Variants in SGCD observed in about 807,000 individuals in gnomAD.
SGCD encodes the protein sarcoglycan delta.
A neutral mutation model predicts 36.6 loss-of-function variants in SGCD; 18 were observed. The observed-to-expected ratio is 0.49, with a 90% CI of 0.34 to 0.73. SGCD has a LOEUF of 0.73. Ranked by LOEUF, SGCD falls within the 30% of genes least tolerant of loss-of-function variation. The pLI, the probability that SGCD is intolerant of heterozygous loss-of-function variation, is 0.01. For synonymous variants in SGCD, 133 were observed against 130.6 expected, an observed-to-expected ratio of 1.02 and a Z score of -0.12; for missense variants, 387 against 346.7, an observed-to-expected ratio of 1.12 and a Z score of -0.92.
chr5:156,335,560 C>T (rs1018163249), intron 2 of SGCD, among the ~76,000 whole-genome samples: 2 of 152,126 alleles, frequency 1.3e-5, no homozygotes, highest in Admixed American at 1.3e-4. Context: ...TATCTGTCTC[C>T]TTATCTCACT....
chr5:156,156,022 G>A (rs1227406190), intron 3 of SGCD, among the ~76,000 whole-genome samples: 8 of 151,638 alleles, frequency 5.3e-5, no homozygotes, highest in African/African-American at 7.3e-5. Flanking sequence ...CTTATGGGCC[G>A]AATGTGCATT....
chr5:155,960,511 G>A (rs1757771464), intron 1 of SGCD, among the ~76,000 whole-genome samples: 1 of 152,048 alleles, frequency 6.6e-6, no homozygotes, highest in African/African-American at 2.4e-5. Context: ...GACAAAAACA[G>A]TAGAAGCCTA....
intron 1 of SGCD, among the ~76,000 whole-genome samples, chr5:156,005,493 C>G (rs1758741543): frequency 6.6e-6 from 1 of 152,066 alleles, no homozygotes; most frequent in Non-Finnish European, 1.5e-5. Context: ...CTCAGTCGCC[C>G]AGGCTGGAGT....
chr5:155,993,210 C>T (rs985488475), intron 1 of SGCD, among the ~76,000 whole-genome samples: 2 of 152,154 alleles, frequency 1.3e-5, no homozygotes, highest in Non-Finnish European at 2.9e-5. Context: ...TGCATGGCCC[C>T]CGTCCCCCTG....
At position 156,133,651 on chromosome 5, in the gene SGCD, G is replaced by A. The variant is rs139444951; in HGVS notation, c.-44+9632G>A. 2.0e-3 allele frequency among the ~76,000 whole-genome samples: 304 copies of A among 152,146 alleles called. 1 individual carries two copies. Among genetic ancestry groups the A allele is most frequent in the African/African-American group, 6.9e-3 (287 of 41,518 alleles). Reference sequence around the variant, plus strand: ...ACTTCCTTTAATGTTCTTCGATTCTGCTTCTGATTCTGGTAGCAGCAGAAT... The same window carrying A: ...ACTTCCTTTAATGTTCTTCGATTCTACTTCTGATTCTGGTAGCAGCAGAAT... On this transcript the variant is annotated intron_variant, in intron 3 of 9. Transcript: ENST00000517913.
intron 3 of SGCD, among the ~76,000 whole-genome samples, chr5:156,439,979 G>T (rs962843949): frequency 1.3e-5 from 2 of 152,112 alleles, no homozygotes; most frequent in South Asian, 4.1e-4. Context: ...TTTAATTGAG[G>T]TGAAATTCAC....
intron 1 of SGCD, among the ~76,000 whole-genome samples, chr5:156,046,546 T>G (rs747248104): frequency 6.6e-6 from 1 of 152,190 alleles, no homozygotes; most frequent in Non-Finnish European, 1.5e-5. Context: ...TTAAAATCTT[T>G]TCAGTACTAT....
chr5:155,818,340 A>G, the SGCD span, among the ~76,000 whole-genome samples: 1 of 152,116 alleles, frequency 6.6e-6, no homozygotes, highest in Non-Finnish European at 1.5e-5. Context: ...AAGGCCAGCA[A>G]GAGGCAGGTC....
At chr5:156,746,260 A>G (rs1413583708) in intron 7 of SGCD, among the ~76,000 whole-genome samples, 1 of 152,158 alleles carries the variant, frequency 6.6e-6, no homozygotes, top group Non-Finnish European at 1.5e-5. Flanking sequence ...ATGATTGTCA[A>G]TGCAGTGTTG....
chr5:155,728,244 C>G, the SGCD span, among the ~76,000 whole-genome samples: 1 of 151,646 alleles, frequency 6.6e-6, no homozygotes, highest in African/African-American at 2.4e-5. Flanking sequence ...CACCGGGACT[C>G]CGGCACGTGG....
the SGCD span, among the ~76,000 whole-genome samples, chr5:155,827,018 G>A: frequency 6.6e-6 from 1 of 152,170 alleles, no homozygotes; most frequent in African/African-American, 2.4e-5. Flanking sequence ...TGTTCCCTAT[G>A]TAAGAAGAAA....
At chr5:156,738,244 A>T (rs1756477407) in intron 7 of SGCD, among the ~76,000 whole-genome samples, 1 of 152,210 alleles carries the variant, frequency 6.6e-6, no homozygotes, top group Non-Finnish European at 1.5e-5. Flanking sequence ...CTTTAGAAAG[A>T]ATCACAGTGT....
chr5:156,612,232 A>G (rs563303033), intron 6 of SGCD, among the ~76,000 whole-genome samples: 2 of 152,094 alleles, frequency 1.3e-5, no homozygotes, highest in Non-Finnish European at 2.9e-5. Context: ...AGGGAGAGAC[A>G]TTTTCCTGTA....
intron 3 of SGCD, among the ~76,000 whole-genome samples, chr5:156,366,610 T>G (rs1052695817): frequency 1.3e-5 from 2 of 152,144 alleles, no homozygotes; most frequent in Non-Finnish European, 2.9e-5. Flanking sequence ...GGATGGAGAA[T>G]GAGCTATAGA....
chr5:156,242,948 G>A (rs1388783357), intron 3 of SGCD, among the ~76,000 whole-genome samples: 2 of 152,180 alleles, frequency 1.3e-5, no homozygotes, highest in African/African-American at 2.4e-5. Flanking sequence ...CAGAGACGTG[G>A]CTGGGTAAGG....
chr5:156,474,171 G>A (rs1581044649), intron 3 of SGCD, among the ~76,000 whole-genome samples: 1 of 152,064 alleles, frequency 6.6e-6, no homozygotes, highest in East Asian at 1.9e-4. Context: ...TTGGGTAGAG[G>A]CCAGAGATGC....
At chr5:155,874,690 A>G (rs1367610048) in intron 1 of SGCD, among the ~76,000 whole-genome samples, 1 of 152,100 alleles carries the variant, frequency 6.6e-6, no homozygotes, top group Non-Finnish European at 1.5e-5. Context: ...GGGGAGATGC[A>G]CGTTTAAACC....
At chr5:156,618,222 C>T (rs1242772253) in intron 6 of SGCD, among the ~76,000 whole-genome samples, 1 of 152,162 alleles carries the variant, frequency 6.6e-6, no homozygotes, top group East Asian at 1.9e-4. Context: ...CTAATAGTAA[C>T]ATTTGAGTAA....
At chr5:156,498,705 C>A (rs890534540) in intron 3 of SGCD, among the ~76,000 whole-genome samples, 3 of 152,164 alleles carry the variant, frequency 2.0e-5, no homozygotes, top group Non-Finnish European at 4.4e-5. Context: ...CATTTTGGCT[C>A]TGATGAATTA....
Sources: allele counts gnomAD v4.1 joint callset (sites outside exome capture counted in the v4.1 genomes callset), GRCh38; gene constraint gnomAD v4.1.1; transcripts MANE v1.5; gene names NCBI Gene and HGNC (gene_info 2026-07-23, HGNC 2026-07-21).